Variants in ERP44 observed in about 807,000 individuals in gnomAD.
ERP44 encodes the protein endoplasmic reticulum resident protein 44.
In ERP44, 25 loss-of-function variants were observed where a neutral mutation model predicts 53.4. The ratio of observed to expected loss-of-function variants is 0.47; its 90% CI spans 0.34 to 0.65. The LOEUF (loss-of-function observed/expected upper bound fraction) is 0.65, where lower values mean the gene tolerates loss of function less well. Among genes scored for constraint, ERP44 ranks in the 30% least tolerant of loss-of-function variants. The probability of loss-of-function intolerance (pLI) is 0.01; values close to 1 mark genes in which losing one functional copy is unlikely to be tolerated. For synonymous variants in ERP44, 145 were observed against 161.2 expected (o/e 0.90, Z 0.76); for missense variants, 338 against 493.2 (o/e 0.69, Z 2.98).
chr9:100,019,033 T>C (rs552725264), intron 6 of ERP44, among the ~76,000 whole-genome samples: 8 of 152,352 alleles, frequency 5.3e-5, no homozygotes, highest in Admixed American at 3.9e-4. Context: ...GTTTACATTT[T>C]GGTGAGTAGA....
At chr9:100,050,327 A>G (rs1826022846) in intron 4 of ERP44, among the ~76,000 whole-genome samples, 1 of 152,174 alleles carries the variant, frequency 6.6e-6, no homozygotes, top group South Asian at 2.1e-4. Context: ...TGTCAATTAT[A>G]CCTCAATAAA....
chr9:100,009,115 T>C (rs10819716), intron 8 of ERP44, among the ~76,000 whole-genome samples: 103,085 of 152,098 alleles, frequency 0.68, 36,160 homozygotes, highest in East Asian at 0.91. Context: ...CCACTAATTC[T>C]AGAGCTTTTT....
intron 1 of ERP44, among the ~76,000 whole-genome samples, chr9:100,093,624 C>T (rs1826587722): frequency 6.6e-6 from 1 of 151,594 alleles, no homozygotes; most frequent in Non-Finnish European, 1.5e-5. Context: ...GCCTGGGCTA[C>T]ACAGCAAGAC....
intron 8 of ERP44, among the ~76,000 whole-genome samples, chr9:100,008,510 C>G (rs1326917123): frequency 1.3e-5 from 2 of 152,132 alleles, no homozygotes; most frequent in South Asian, 2.1e-4. Flanking sequence ...CAGAAAGGGT[C>G]TCATAACAAA....
chr9:100,000,808 A>C (rs1052416095), intron 10 of ERP44, among the ~76,000 whole-genome samples: 13 of 152,130 alleles, frequency 8.5e-5, no homozygotes, highest in African/African-American at 3.1e-4. Flanking sequence ...AACCAGCTAT[A>C]GTTTTGTTGC....
chr9:99,999,080 C>T (rs1830347856), intron 10 of ERP44: 2 of 702,214 alleles, frequency 2.8e-6, no homozygotes, highest in Admixed American at 4.2e-5. Flanking sequence ...GCAGGGAGCG[C>T]ACGGCCGTTC....
intron 1 of ERP44, among the ~76,000 whole-genome samples, chr9:100,091,316 C>T (rs1329249586): frequency 6.6e-6 from 1 of 152,168 alleles, no homozygotes; most frequent in South Asian, 2.1e-4. Context: ...AGAACCAAGA[C>T]CCACAGCATT....
intron 1 of ERP44, among the ~76,000 whole-genome samples, chr9:100,081,997 T>TAC (rs888752086): frequency 6.6e-6 from 1 of 150,952 alleles, no homozygotes; most frequent in Non-Finnish European, 1.5e-5. Flanking sequence ...ATTAATAACA[T>TAC]ACACACACAC....
intron 1 of ERP44, among the ~76,000 whole-genome samples, chr9:100,066,800 C>G (rs1397828705): frequency 6.6e-6 from 1 of 152,150 alleles, no homozygotes; most frequent in Non-Finnish European, 1.5e-5. Context: ...CTTCAAGGAG[C>G]AGGAGATGTT....
At chr9:100,092,111 A>AT (rs1375900042) in intron 1 of ERP44, among the ~76,000 whole-genome samples, 16 of 152,260 alleles carry the variant, frequency 1.1e-4, no homozygotes, top group African/African-American at 3.4e-4. Context: ...AAAGATACAG[A>AT]TTAAGTTTCT....
chr9:100,006,103 G>A (rs909110485), intron 10 of ERP44, among the ~76,000 whole-genome samples: 4 of 152,184 alleles, frequency 2.6e-5, no homozygotes, highest in African/African-American at 9.7e-5. Context: ...GTGAAGTCAC[G>A]AATGAACAGC....
At chr9:100,046,646 A>G (rs1825973295) in intron 4 of ERP44, among the ~76,000 whole-genome samples, 2 of 152,228 alleles carry the variant, frequency 1.3e-5, no homozygotes. Flanking sequence ...GAGATATACA[A>G]TCTTCATGGA....
chr9:100,022,093 T>G lies in ERP44; in HGVS notation c.420A>C (p.Lys140Asn). ...CCCGAATTTCTTGAATGGGGTCACT[T>G]TTTTGTTGCCTGATGTAATCTGCCA... The part of the protein sequence containing the change: ...KALADYIRQQ[K>N]SDPIQEIRDL... Residue 140 changes from lysine (K) to asparagine (N), a missense_variant, in exon 5 of 12, where the codon AAA becomes AAC. Physicochemically the swap from Lys to Asn is moderately conservative, Grantham distance 94. Transcript: ENST00000262455. 2 of 1,613,944 alleles carry G rather than the reference T, an allele frequency of 1.2e-6. No homozygotes were observed. Among genetic ancestry groups the G allele is most frequent in the Non-Finnish European group, 1.7e-6 (2 of 1,179,910 alleles).
chr9:100,035,852 C>T (rs1041185777), intron 4 of ERP44, among the ~76,000 whole-genome samples: 1 of 152,058 alleles, frequency 6.6e-6, no homozygotes, highest in Admixed American at 6.5e-5. Flanking sequence ...TGAGATACCA[C>T]CCCATGCCAG....
At chr9:100,024,887 A>T (rs1189756713) in intron 4 of ERP44, among the ~76,000 whole-genome samples, 1 of 152,216 alleles carries the variant, frequency 6.6e-6, no homozygotes, top group Non-Finnish European at 1.5e-5. Context: ...AGTTAATTCC[A>T]ATAAGTTTGA....
chr9:100,030,728 T>C (rs1825777697), intron 4 of ERP44, among the ~76,000 whole-genome samples: 1 of 152,128 alleles, frequency 6.6e-6, no homozygotes, highest in Non-Finnish European at 1.5e-5. Context: ...GAGCCTTTTT[T>C]CTCCCCAAAA....
chr9:99,998,156 CTGTG>C (rs977315502), intron 10 of ERP44: 1 of 198,150 alleles, frequency 5.0e-6, no homozygotes, highest in African/African-American at 2.4e-5. Flanking sequence ...AGAATGGTTT[CTGTG>C]TGTTTCTATG....
At position 99,989,324 on chromosome 9, in the gene ERP44, C is replaced by T. The variant is rs531783263; in HGVS notation, c.1017-4255G>A. Among the ~76,000 whole-genome samples, 9 of 152,272 alleles carry T rather than the reference C, an allele frequency of 5.9e-5. No homozygotes were observed. In the East Asian group the frequency reaches 1.4e-3, roughly 23 times the overall value. On this transcript the variant is annotated intron_variant, in intron 10 of 11. Coordinates refer to ENST00000262455, the MANE Select transcript of ERP44 (RefSeq NM_015051.3). ...CATACAGCTGGGTGCCCCTCTGAGA[C>T]GAAGCTTCCAGAGAAAGGATTAGGC...
chr9:100,021,981 T>G (rs1438909863), intron 5 of ERP44, 61 bp downstream of exon 5: 12 of 1,458,928 alleles, frequency 8.2e-6, no homozygotes, highest in Middle Eastern at 1.8e-4. Context: ...TTTGTTTGCA[T>G]TAGAATTTGT....
Sources: allele counts gnomAD v4.1 joint callset (sites outside exome capture counted in the v4.1 genomes callset), GRCh38; gene constraint gnomAD v4.1.1; transcripts MANE v1.5; gene names NCBI Gene and HGNC (gene_info 2026-07-23, HGNC 2026-07-21).